Variants in ZNF469 observed in about 807,000 individuals in gnomAD.
The protein encoded by ZNF469 is zinc finger protein 469.
A neutral mutation model predicts 1.0 loss-of-function variants in ZNF469; 1 was observed. The ratio of observed to expected loss-of-function variants is 1.00; its 90% confidence interval spans 0.35 to 4.73. The LOEUF (loss-of-function observed/expected upper bound fraction) is 4.73, where lower values mean the gene tolerates loss of function less well. ZNF469 is among the 30% of genes most tolerant of loss of function. ZNF469 has a pLI of 0.16. For missense variants in ZNF469, 6,100 were observed against 5,356.3 expected (o/e 1.14, Z -4.33); for synonymous variants, 2,703 against 2,363.4 (o/e 1.14, Z -4.17).
At chr16:88,372,328 ACC>A in the ZNF469 span, among the ~76,000 whole-genome samples, 1 of 52,358 alleles carries the variant, frequency 1.9e-5, no homozygotes, top group Non-Finnish European at 4.2e-5. Context: ...CATCACCATC[ACC>A]ACCATCATCA....
At chr16:88,343,906 A>G in the ZNF469 span, among the ~76,000 whole-genome samples, 2 of 152,136 alleles carry the variant, frequency 1.3e-5, no homozygotes, top group East Asian at 3.9e-4. Context: ...GAGGGACTGC[A>G]CAGTGGAGAT....
chr16:88,277,380 T>C, the ZNF469 span, among the ~76,000 whole-genome samples: 2 of 148,204 alleles, frequency 1.3e-5, no homozygotes, highest in East Asian at 2.1e-4. Flanking sequence ...ATTAGTGCTG[T>C]GCCACGCTGA....
At chr16:88,403,451 C>T (rs1296897479) in intron 1 of ZNF469, among the ~76,000 whole-genome samples, 1 of 152,010 alleles carries the variant, frequency 6.6e-6, no homozygotes, top group African/African-American at 2.4e-5. Flanking sequence ...TCCCAGGCAC[C>T]ACAGAGCTCA....
chr16:88,267,876 C>G, the ZNF469 span, among the ~76,000 whole-genome samples: 45 of 152,294 alleles, frequency 3.0e-4, no homozygotes, highest in Non-Finnish European at 6.2e-4. Flanking sequence ...ACTGCCGGGT[C>G]CTGAGTAAGC....
chr16:88,130,590 C>T, the ZNF469 span, among the ~76,000 whole-genome samples: 2 of 151,862 alleles, frequency 1.3e-5, no homozygotes. Context: ...CCTGTAGTCC[C>T]AGCTACTCGG....
In ZNF469 at chr16:88,428,895, C is replaced by A; in HGVS notation, c.1425C>A (p.Cys475Ter). The A allele has an allele frequency of 6.5e-7, 1 of 1,547,294 alleles. No individual in the cohort carries two copies. Residue 475 changes from cysteine to a stop codon, truncating the protein, a stop_gained, in exon 3 of 3, where the codon TGC (cysteine) becomes TGA (stop). Transcript: ENST00000565624. LOFTEE classifies it low-confidence loss of function (END_TRUNC). ...NGQPSPGQRL[C>*]LPQSAPLPWP... is the part of the protein sequence containing the mutation. ...AGCCCAGCCCAGGCCAGCGGCTCTG[C>A]CTCCCCCAGAGTGCCCCCCTGCCTT... is the stretch of plus-strand genomic sequence containing the variant.
chr16:88,321,017 G>A, the ZNF469 span, among the ~76,000 whole-genome samples: 1 of 152,266 alleles, frequency 6.6e-6, no homozygotes, highest in African/African-American at 2.4e-5. Context: ...ATCCGAGGCT[G>A]CCTTTCAGTA....
intron 1 of ZNF469, among the ~76,000 whole-genome samples, chr16:88,411,028 C>G (rs1032063482): frequency 7.9e-5 from 12 of 152,182 alleles, no homozygotes; most frequent in African/African-American, 2.9e-4. Flanking sequence ...ATGGGGCCCT[C>G]TCCGAAGGAC....
the ZNF469 span, among the ~76,000 whole-genome samples, chr16:88,188,276 G>T: frequency 6.6e-6 from 1 of 151,668 alleles, no homozygotes; most frequent in Non-Finnish European, 1.5e-5. Context: ...CTCCCTCCCC[G>T]ACTGAGCACC....
At chr16:88,259,347 C>T in the ZNF469 span, among the ~76,000 whole-genome samples, 2 of 152,080 alleles carry the variant, frequency 1.3e-5, no homozygotes, top group African/African-American at 4.8e-5. The surrounding 1 kb of genome is among the most constrained non-coding windows in gnomAD (Gnocchi z 4.1). Flanking sequence ...CGCCCCCATC[C>T]CTCTGCCCGC....
Position 88,428,164 on chromosome 16 carries a change from G to T in ZNF469, c.694G>T (p.Ala232Ser). ...CTATCCCGAATACCAGGCCAGTGGG[G>T]CCGACTCCTGGCCTCCCGCTGCTGA... ...GSYPEYQASG[A>S]DSWPPAAENS... Residue 232 changes from alanine (A) to serine (S), a missense_variant, in exon 3 of 3, where the codon GCC (alanine) becomes TCC (serine). By Grantham distance (99) the Ala-to-Ser change is moderately conservative. Transcript: ENST00000565624. 1 of 1,550,208 alleles carries T rather than the reference G, an allele frequency of 6.5e-7. No homozygotes were observed. The highest frequency in any genetic ancestry group is 1.2e-5 in the South Asian group (1 of 84,062).
Position 88,431,435 on chromosome 16 carries a change from G to T in ZNF469, c.3965G>T (p.Arg1322Leu). ...CACAACAGCAAGGACCCCCCTGCCC[G>T]CCAGCCTGGAGAATTTCTGGCACCC... The part of the protein sequence containing the change: ...VSHNSKDPPA[R>L]QPGEFLAPVA... The change falls in exon 3 of 3, where the codon CGC becomes CTC. Residue 1322 changes from arginine (R) to leucine (L), a missense_variant. Physicochemically the swap from Arg to Leu is moderately radical, Grantham distance 102 (BLOSUM62 -2). Transcript: ENST00000565624. The T allele has an allele frequency of 6.5e-7, 1 of 1,550,334 alleles. No homozygotes were observed. The highest frequency in any genetic ancestry group is 8.7e-7 in the Non-Finnish European group (1 of 1,146,988).
At chr16:88,139,189 G>C in the ZNF469 span, among the ~76,000 whole-genome samples, 1 of 152,270 alleles carries the variant, frequency 6.6e-6, no homozygotes, top group African/African-American at 2.4e-5. Context: ...CATGCTGGAA[G>C]CTGGGATGAG....
chr16:88,149,159 C>T, the ZNF469 span, among the ~76,000 whole-genome samples: 3 of 152,202 alleles, frequency 2.0e-5, no homozygotes, highest in Non-Finnish European at 4.4e-5. Context: ...CACAAGGTCT[C>T]CTGGTACCAC....
rs142980184 is a variant in ZNF469, at chr16:88,391,341, C to T, written c.-192+8087C>T. Among the ~76,000 whole-genome samples, 348 of 152,364 alleles carry T rather than the reference C, an allele frequency of 2.3e-3. 3 individuals carry two copies. The highest frequency in any genetic ancestry group is 4.2e-3 in the Non-Finnish European group (289 of 68,038). On this transcript the variant is annotated intron_variant, in intron 1 of 2. Transcript: ENST00000565624. ...TCTTGCTTGGCAGAAGGGACAGAGC[C>T]AGGACAGTTGCTCCATGTGACTGTG...
the ZNF469 span, among the ~76,000 whole-genome samples, chr16:88,360,843 C>A: frequency 2.0e-5 from 3 of 152,276 alleles, no homozygotes; most frequent in East Asian, 5.8e-4. Context: ...GCCCGACACC[C>A]CCTGTTACAG....
At chr16:88,313,401 A>G in the ZNF469 span, among the ~76,000 whole-genome samples, 1 of 152,220 alleles carries the variant, frequency 6.6e-6, no homozygotes, top group African/African-American at 2.4e-5. Context: ...GTCCAATTGC[A>G]TCCGCCCATC....
the ZNF469 span, among the ~76,000 whole-genome samples, chr16:88,294,386 G>C: frequency 6.6e-6 from 1 of 152,154 alleles, no homozygotes; most frequent in Non-Finnish European, 1.5e-5. Context: ...CTGTCTTACT[G>C]TCTCCTCAGT....
intron 1 of ZNF469, among the ~76,000 whole-genome samples, chr16:88,389,081 T>G (rs1361525384): frequency 6.6e-6 from 1 of 152,230 alleles, no homozygotes; most frequent in African/African-American, 2.4e-5. Context: ...TTTCAGGATA[T>G]TCACAAGGTT....
Sources: gnomAD v4.1 joint callset for allele counts (sites outside exome capture counted in the v4.1 genomes callset) on GRCh38, gnomAD v4.1.1 for gene constraint, Gnocchi (gnomAD v3.1) non-coding constraint, MANE v1.5 for transcripts, NCBI Gene and HGNC (gene_info 2026-07-23, HGNC 2026-07-21) for gene names.